The following KIAA1217 variants were observed in gnomAD, a reference collection of about 807,000 sequenced individuals.
The protein encoded by KIAA1217 is sickle tail protein homolog.
In KIAA1217, 88 loss-of-function variants were observed where a neutral mutation model predicts 163.9. The ratio of observed to expected loss-of-function variants is 0.54; its 90% CI spans 0.45 to 0.64. The LOEUF (loss-of-function observed/expected upper bound fraction) is 0.64, where lower values mean the gene tolerates loss of function less well. Among genes scored for constraint, KIAA1217 ranks in the 30% least tolerant of loss-of-function variants. The pLI, the probability that KIAA1217 is intolerant of heterozygous loss-of-function variation, is 0.00. For missense variants in KIAA1217, 2,372 were observed against 2,475.0 expected (o/e 0.96, Z 0.88); for synonymous variants, 903 against 923.1 (o/e 0.98, Z 0.39).
intron 1 of KIAA1217, among the ~76,000 whole-genome samples, chr10:23,817,548 A>T (rs190172343): frequency 6.6e-6 from 1 of 152,260 alleles, no homozygotes; most frequent in East Asian, 1.9e-4. Context: ...ACTCCAGGAT[A>T]AAAGAAGTTG....
intron 1 of KIAA1217, among the ~76,000 whole-genome samples, chr10:23,947,502 T>G (rs1230843217): frequency 6.6e-6 from 1 of 152,198 alleles, no homozygotes; most frequent in Admixed American, 6.5e-5. Flanking sequence ...ATACCAAAGC[T>G]TTCACCTAAT....
chr10:23,761,068 C>T (rs1320628632), intron 1 of KIAA1217, among the ~76,000 whole-genome samples: 2 of 151,682 alleles, frequency 1.3e-5, no homozygotes, highest in East Asian at 3.9e-4. Flanking sequence ...TGGGCAACAT[C>T]GTGAGATCTC....
At chr10:23,875,947 C>CG (rs1391962900) in intron 1 of KIAA1217, among the ~76,000 whole-genome samples, 1 of 11,166 alleles carries the variant, frequency 9.0e-5, no homozygotes, top group African/African-American at 4.2e-4. Flanking sequence ...TAGGGCTTGT[C>CG]GGGGGGTGGG....
In KIAA1217 at chr10:24,432,118, C is replaced by CT. The variant is rs57893341; in HGVS notation, c.554-854dup. Among the ~76,000 whole-genome samples, 944 of 116,388 alleles carry CT rather than the reference C, an allele frequency of 8.1e-3. 14 individuals carry two copies. The highest frequency in any genetic ancestry group is 0.019 in the South Asian group (66 of 3,430). The allele number at this position is 116,388 out of a possible 152,430, so 76.4% of individuals were successfully genotyped here. ...CCTTTCCAAGGAATTAAGTATCGTC[C>CT]TTTTTTTTTTTTTTTTTTTTTTTAA... On this transcript the variant is annotated intron_variant, in intron 3 of 20. Transcript: ENST00000376454.
chr10:24,535,719 G>A (rs2073904514), intron 16 of KIAA1217, among the ~76,000 whole-genome samples: 2 of 152,220 alleles, frequency 1.3e-5, no homozygotes, highest in African/African-American at 4.8e-5. Flanking sequence ...AGAGGTTGCA[G>A]TGAGCTGAGA....
At chr10:24,340,857 T>C (rs2047000809) in intron 2 of KIAA1217, among the ~76,000 whole-genome samples, 1 of 152,252 alleles carries the variant, frequency 6.6e-6, no homozygotes, top group African/African-American at 2.4e-5. Context: ...GGAAATTATT[T>C]TCAAGTGAGC....
At chr10:23,731,158 C>G (rs1165200112) in intron 1 of KIAA1217, among the ~76,000 whole-genome samples, 2 of 152,056 alleles carry the variant, frequency 1.3e-5, no homozygotes, top group East Asian at 1.9e-4. Flanking sequence ...GGCCAGGAAT[C>G]ATAGCCTCTG....
intron 2 of KIAA1217, among the ~76,000 whole-genome samples, chr10:24,090,171 T>C (rs1374698372): frequency 1.9e-4 from 27 of 140,810 alleles, no homozygotes; most frequent in African/African-American, 5.4e-4. Flanking sequence ...TTTCTTTTTT[T>C]TTTTTTTTTT....
chr10:24,383,301 T>G (rs1300502962), intron 3 of KIAA1217, among the ~76,000 whole-genome samples: 1 of 152,192 alleles, frequency 6.6e-6, no homozygotes, highest in Non-Finnish European at 1.5e-5. Flanking sequence ...CCTGTCCGCC[T>G]TCCCCCATAC....
intron 1 of KIAA1217, among the ~76,000 whole-genome samples, chr10:23,848,957 T>C (rs1179415294): frequency 6.6e-6 from 1 of 152,128 alleles, no homozygotes; most frequent in Non-Finnish European, 1.5e-5. Context: ...ATATTCCTCT[T>C]TGACTAAATT....
At position 23,847,093 on chromosome 10, in the gene KIAA1217, T is replaced by C. The variant is rs140787871; in HGVS notation, c.-321+151859T>C. 5.3e-5 allele frequency among the ~76,000 whole-genome samples: 8 copies of C among 152,350 alleles called. No homozygotes were observed. The East Asian group carries it at 1.3e-3, about 26-fold the overall frequency. On this transcript the variant is annotated intron_variant, in intron 1 of 18. Transcript: ENST00000376462. ...CCTCCCAGGTATGAAGCCAACTTGA[T>C]TGTGGTACATAAGCTTTTTAATGTG...
intron 2 of KIAA1217, among the ~76,000 whole-genome samples, chr10:24,021,747 G>A (rs1449337437): frequency 6.6e-6 from 1 of 151,738 alleles, no homozygotes; most frequent in East Asian, 1.9e-4. Flanking sequence ...ATTTGTAAAA[G>A]AATAGATAAA....
chr10:23,964,629 C>T (rs1317768763), intron 1 of KIAA1217, among the ~76,000 whole-genome samples: 5 of 151,842 alleles, frequency 3.3e-5, no homozygotes, highest in Admixed American at 3.3e-4. Context: ...CATCTCGGCT[C>T]ACTGCAACCG....
chr10:24,136,064 G>A (rs748454072), intron 2 of KIAA1217, among the ~76,000 whole-genome samples: 2 of 152,102 alleles, frequency 1.3e-5, no homozygotes, highest in Non-Finnish European at 2.9e-5. Flanking sequence ...AAAGAAAGAG[G>A]GGTATTAGAG....
intron 6 of KIAA1217, among the ~76,000 whole-genome samples, chr10:24,480,469 A>G (rs1389332353): frequency 6.6e-6 from 1 of 152,200 alleles, no homozygotes; most frequent in African/African-American, 2.4e-5. Context: ...CTGGGTTCAA[A>G]TCCCAGTTCT....
chr10:24,496,964 T>C (rs547944430), intron 8 of KIAA1217, among the ~76,000 whole-genome samples: 1 of 152,340 alleles, frequency 6.6e-6, no homozygotes, highest in Admixed American at 6.5e-5. Context: ...ATGGCTGAGC[T>C]GATTTGCAAC....
chr10:24,538,084 G>C (rs551242215), intron 17 of KIAA1217, among the ~76,000 whole-genome samples: 2 of 152,280 alleles, frequency 1.3e-5, no homozygotes, highest in Admixed American at 6.5e-5. Context: ...AGATGCAAGA[G>C]AGCCCAATAG....
Position 24,533,335 on chromosome 10 carries a change from C to A in KIAA1217, c.3414+98C>A, listed in dbSNP as rs1483163100. ...TTTGTTAGCGAGAAGGCCAGGGAAG[C>A]GCATGGACCGGGACCATAGAAGCTG... On this transcript the variant is annotated intron_variant, in intron 16 of 20. Coordinates refer to ENST00000376454, the MANE Select transcript of KIAA1217 (RefSeq NM_019590.5). 1.9e-5 allele frequency: 23 copies of A among 1,217,646 alleles called. No individual in the cohort carries two copies. In the East Asian group the frequency reaches 4.5e-4, roughly 24 times the overall value. The allele number at this position is 1,217,646 out of a possible 1,614,324, so 75.4% of individuals were successfully genotyped here.
chr10:23,968,371 C>T (rs2131386144), intron 1 of KIAA1217, among the ~76,000 whole-genome samples: 1 of 152,200 alleles, frequency 6.6e-6, no homozygotes, highest in Middle Eastern at 3.4e-3. Flanking sequence ...AGAGTTATAG[C>T]TCATTTCTTT....
Sources: gnomAD v4.1 joint callset for allele counts (sites outside exome capture counted in the v4.1 genomes callset) on GRCh38, gnomAD v4.1.1 for gene constraint, MANE v1.5 for transcripts, NCBI Gene and HGNC (gene_info 2026-07-23, HGNC 2026-07-21) for gene names.